Variants in MINDY3 observed in about 807,000 individuals in gnomAD.
MINDY3 encodes the protein ubiquitin carboxyl-terminal hydrolase MINDY-3.
In MINDY3, 38 loss-of-function variants were observed where a neutral mutation model predicts 69.2. The ratio of observed to expected loss-of-function variants is 0.55; its 90% confidence interval spans 0.42 to 0.72. The LOEUF is 0.72. Among genes scored for constraint, MINDY3 ranks in the 30% least tolerant of loss-of-function variants. MINDY3 has a pLI of 0.00. For missense variants in MINDY3, 522 were observed against 519.0 expected (o/e 1.01, Z -0.06); for synonymous variants, 192 against 180.1 (o/e 1.07, Z -0.53).
chr10:15,847,086 A>G (rs1833903264), intron 2 of MINDY3, among the ~76,000 whole-genome samples: 2 of 152,192 alleles, frequency 1.3e-5, no homozygotes, highest in South Asian at 4.1e-4. Flanking sequence ...TTTTCAAAAC[A>G]CGATGGTTAA....
intron 4 of MINDY3, 95 bp from the exon 5 acceptor site, chr10:15,838,374 T>C: frequency 9.6e-7 from 1 of 1,041,500 alleles, no homozygotes; most frequent in Non-Finnish European, 1.3e-6. Context: ...CAATCAAAAC[T>C]TTCCCTATTT....
At chr10:15,812,603 G>T (rs1588566347) in intron 10 of MINDY3, among the ~76,000 whole-genome samples, 2 of 152,298 alleles carry the variant, frequency 1.3e-5, no homozygotes, top group South Asian at 4.1e-4. Flanking sequence ...TGGTGCATCA[G>T]TCTACATAAC....
At chr10:15,786,747 C>T in intron 12 of MINDY3, 99 bp from the exon 13 acceptor site, 1 of 720,738 alleles carries the variant, frequency 1.4e-6, no homozygotes, top group Non-Finnish European at 2.5e-6. Flanking sequence ...CATTCGGCTG[C>T]CAAAAACACT....
chr10:15,814,837 T>C (rs72781875), intron 10 of MINDY3, among the ~76,000 whole-genome samples: 3,672 of 152,226 alleles, frequency 0.024, 60 homozygotes, highest in East Asian at 0.039. Context: ...GAAGGGCCTA[T>C]TTCACTCTTG....
At chr10:15,800,171 TAAGAAAA>T (rs1838158830) in intron 10 of MINDY3, among the ~76,000 whole-genome samples, 2 of 152,092 alleles carry the variant, frequency 1.3e-5, no homozygotes, top group African/African-American at 4.8e-5. Flanking sequence ...TTTCAAAAGT[TAAGAAAA>T]AATTAAGTAT....
At chr10:15,856,104 C>T (rs1015619729) in intron 1 of MINDY3, among the ~76,000 whole-genome samples, 4 of 151,868 alleles carry the variant, frequency 2.6e-5, no homozygotes, top group Non-Finnish European at 4.4e-5. Flanking sequence ...AACTTTTAAA[C>T]GATGTGATCC....
At chr10:15,797,184 A>T (rs905502152) in intron 10 of MINDY3, among the ~76,000 whole-genome samples, 4 of 152,128 alleles carry the variant, frequency 2.6e-5, no homozygotes, top group South Asian at 4.1e-4. Flanking sequence ...GAGGAGTTCT[A>T]ACTGAGCCAT....
chr10:15,821,748 A>ACAT, intron 8 of MINDY3, 22 bp from the exon 9 acceptor site: 1 of 1,603,434 alleles, frequency 6.2e-7, no homozygotes, highest in Non-Finnish European at 8.5e-7. Flanking sequence ...AACAACAACA[A>ACAT]CAAAAAACGA....
At chr10:15,859,505 A>C (rs1268618405) in intron 1 of MINDY3, among the ~76,000 whole-genome samples, 1 of 152,158 alleles carries the variant, frequency 6.6e-6, no homozygotes, top group Non-Finnish European at 1.5e-5. Flanking sequence ...AATTCAATAA[A>C]TGCTTATTTT....
intron 3 of MINDY3, 41 bp from the exon 4 acceptor site, chr10:15,841,640 G>GAAA: frequency 1.8e-6 from 2 of 1,108,436 alleles, no homozygotes; most frequent in East Asian, 3.3e-5. Flanking sequence ...GTTTCCTCTG[G>GAAA]AAAAAAAAAA....
At chr10:15,852,046 A>G (rs1834337406) in intron 1 of MINDY3, among the ~76,000 whole-genome samples, 1 of 152,136 alleles carries the variant, frequency 6.6e-6, no homozygotes. Context: ...TTCAGGTCTC[A>G]GTTTAGGTGT....
At chr10:15,789,003 G>T (rs1837204068) in intron 12 of MINDY3, 1 of 340,544 alleles carries the variant, frequency 2.9e-6, no homozygotes. Flanking sequence ...TTTATAGAAA[G>T]ACACTTTTAG....
intron 8 of MINDY3, among the ~76,000 whole-genome samples, chr10:15,824,713 C>A (rs1312878558): frequency 6.6e-6 from 1 of 152,128 alleles, no homozygotes; most frequent in Non-Finnish European, 1.5e-5. Context: ...GTTACCACCA[C>A]CTAGTGTTAC....
rs1836264829 is a variant in MINDY3, at chr10:15,778,347, TA to T, written c.*644del. 1 of 152,208 alleles carries T rather than the reference TA, an allele frequency of 6.6e-6. No homozygotes were observed. Among genetic ancestry groups the T allele is most frequent in the Non-Finnish European group, 1.5e-5 (1 of 68,036 alleles). The allele number at this position is 152,208 out of a possible 1,614,324, so 9.4% of individuals were successfully genotyped here. ...AAAAGTGTATTTGGCAATTACACAG[TA>T]AAAGTTAACAGTGTTGACTATCAGA... On this transcript the variant is annotated 3_prime_UTR_variant, in exon 15 of 15. Transcript: ENST00000277632.
intron 9 of MINDY3, 115 bp from the exon 10 acceptor site, chr10:15,817,030 A>G (rs1839421870): frequency 1.3e-6 from 1 of 764,098 alleles, no homozygotes. Flanking sequence ...AACTGAAATA[A>G]TGTATTGTGC....
intron 8 of MINDY3, among the ~76,000 whole-genome samples, chr10:15,830,692 G>A (rs1433131523): frequency 6.6e-6 from 1 of 152,224 alleles, no homozygotes; most frequent in Admixed American, 6.5e-5. Flanking sequence ...TAGTAAATGA[G>A]CCATGCAGTG....
chr10:15,842,145 G>A (rs1277171417), intron 3 of MINDY3, among the ~76,000 whole-genome samples: 7 of 151,772 alleles, frequency 4.6e-5, no homozygotes, highest in South Asian at 2.1e-4. Flanking sequence ...GAATTTTATA[G>A]AAAATGGCGC....
Position 15,816,917 on chromosome 10 carries a change from T to G in MINDY3, c.802-2A>C. Reference sequence around the variant, plus strand: ...TGGAGATTTCAAGTAAGAACCAACCTAGAACAAATGTAGCAAAATAAAACA... The same window carrying G: ...TGGAGATTTCAAGTAAGAACCAACCGAGAACAAATGTAGCAAAATAAAACA... On this transcript the variant is annotated splice_acceptor_variant, in intron 9 of 14. Coordinates refer to ENST00000277632, the MANE Select transcript of MINDY3 (RefSeq NM_024948.4). LOFTEE classifies it high-confidence loss of function. The G allele has an allele frequency of 6.2e-7, 1 of 1,606,214 alleles. No individual in the cohort carries two copies. The highest frequency in any genetic ancestry group is 8.5e-7 in the Non-Finnish European group (1 of 1,173,952).
intron 6 of MINDY3, among the ~76,000 whole-genome samples, chr10:15,835,035 G>A (rs1832981705): frequency 6.6e-6 from 1 of 152,050 alleles, no homozygotes; most frequent in South Asian, 2.1e-4. Context: ...TATCGATAGA[G>A]ATATAACATT....
Sources: gnomAD v4.1 joint callset for allele counts (sites outside exome capture counted in the v4.1 genomes callset) on GRCh38, gnomAD v4.1.1 for gene constraint, MANE v1.5 for transcripts, NCBI Gene and HGNC (gene_info 2026-07-23, HGNC 2026-07-21) for gene names.